Variants in RORA observed in about 807,000 individuals in gnomAD.
The protein encoded by RORA is nuclear receptor ROR-alpha.
Under a neutral mutation model 69.5 loss-of-function variants are expected in RORA, and 7 were observed. That is an observed-to-expected ratio of 0.10 (90% CI 0.06 to 0.19). RORA has a LOEUF of 0.19. Ranked by LOEUF, RORA falls within the 10% of genes least tolerant of loss-of-function variation. The pLI is 1.00. For synonymous variants in RORA, 261 were observed against 240.8 expected, an observed-to-expected ratio of 1.08 and a Z score of -0.78; for missense variants, 457 against 663.0, an observed-to-expected ratio of 0.69 and a Z score of 3.41.
rs1210639086 is a variant in RORA at position 61,108,592 on chromosome 15, G to A, written c.166+120461C>T. Among the ~76,000 whole-genome samples the A allele has an allele frequency of 2.6e-5, 4 of 152,178 alleles. No individual in the cohort carries two copies. The East Asian group carries it at 7.7e-4, about 29-fold the overall frequency. On this transcript the variant is annotated intron_variant, in intron 1 of 10. Coordinates refer to ENST00000335670, the MANE Select transcript of RORA (RefSeq NM_134261.3). ...CAAATCCTAAAACATTTACTGTATG[G>A]CCATTTACGGAAACGTCTGTAGACC...
chr15:60,903,757 A>G lies in RORA; in HGVS notation c.167-225071T>C, dbSNP rs78066424. Among the ~76,000 whole-genome samples the G allele has an allele frequency of 2.1e-3, 318 of 152,334 alleles. 6 individuals carry two copies. The highest frequency in any genetic ancestry group is 0.017 in the East Asian group (86 of 5,186). On this transcript the variant is annotated intron_variant, in intron 1 of 10. Transcript: ENST00000335670. The stretch of plus-strand genomic sequence containing the variant: ...CCTTCCCAGGGACCATGAATTTAAA[A>G]TTATGCAAAATCGGAGGTCGGTCTC...
chr15:61,044,876 A>G (rs1043520654), intron 1 of RORA, among the ~76,000 whole-genome samples: 2 of 152,208 alleles, frequency 1.3e-5, no homozygotes, highest in African/African-American at 4.8e-5. Flanking sequence ...TCTGTGAAGC[A>G]CTGCCCTGGG....
chr15:61,001,155 G>C (rs1003858804), intron 1 of RORA, among the ~76,000 whole-genome samples: 1 of 152,208 alleles, frequency 6.6e-6, no homozygotes, highest in Non-Finnish European at 1.5e-5. Context: ...CCCATCCCAA[G>C]TTGCAGTCTC....
intron 1 of RORA, among the ~76,000 whole-genome samples, chr15:60,774,750 T>C (rs1369817813): frequency 6.6e-6 from 1 of 152,226 alleles, no homozygotes; most frequent in Non-Finnish European, 1.5e-5. Context: ...TTCTAAAGGC[T>C]GTAGTCTGCC....
chr15:60,888,064 C>A (rs1439617812), intron 1 of RORA, among the ~76,000 whole-genome samples: 2 of 152,238 alleles, frequency 1.3e-5, no homozygotes, highest in Admixed American at 1.3e-4. Flanking sequence ...TCCATCCTTG[C>A]CCTGCTCCTC....
At chr15:60,946,717 G>A (rs1345683042) in intron 1 of RORA, among the ~76,000 whole-genome samples, 2 of 151,604 alleles carry the variant, frequency 1.3e-5, no homozygotes, top group African/African-American at 4.8e-5. Context: ...GAGCGTCTCT[G>A]CCTGGCTGCC....
At chr15:60,879,462 G>A (rs1475726651) in intron 1 of RORA, among the ~76,000 whole-genome samples, 1 of 152,150 alleles carries the variant, frequency 6.6e-6, no homozygotes, top group Admixed American at 6.5e-5. Context: ...TTAGCTGCTC[G>A]TGTTAGTGTT....
intron 1 of RORA, among the ~76,000 whole-genome samples, chr15:61,158,535 G>C (rs533708817): frequency 6.6e-6 from 1 of 152,272 alleles, no homozygotes; most frequent in South Asian, 2.1e-4. Flanking sequence ...GCCAACCTTT[G>C]CCTTTATTGA....
chr15:60,913,918 T>A (rs1891799925), intron 1 of RORA, among the ~76,000 whole-genome samples: 1 of 152,240 alleles, frequency 6.6e-6, no homozygotes, highest in South Asian at 2.1e-4. Context: ...CCTTTTGCCA[T>A]GTCACTGCTT....
At chr15:60,720,953 T>C (rs1242018674) in intron 1 of RORA, among the ~76,000 whole-genome samples, 2 of 152,078 alleles carry the variant, frequency 1.3e-5, no homozygotes, top group African/African-American at 2.4e-5. Context: ...CTGGAGAACT[T>C]TGTGGTACTC....
chr15:61,129,758 T>C (rs1288488106), intron 1 of RORA, among the ~76,000 whole-genome samples: 1 of 152,186 alleles, frequency 6.6e-6, no homozygotes, highest in African/African-American at 2.4e-5. Flanking sequence ...GGACAATGCT[T>C]CCATCTCCCT....
intron 1 of RORA, among the ~76,000 whole-genome samples, chr15:60,943,068 A>G (rs893984620): frequency 3.3e-5 from 5 of 152,256 alleles, no homozygotes; most frequent in African/African-American, 1.2e-4. Context: ...AGCTGGAGTC[A>G]GGGTACCTGT....
rs182436085 is a variant in RORA at position 60,944,973 on chromosome 15, A to G, written c.167-266287T>C. On this transcript the variant is annotated intron_variant, in intron 1 of 10. Coordinates refer to ENST00000335670, the MANE Select transcript of RORA (RefSeq NM_134261.3). ...ATAGGGTCCACAGCTCAGAGATATA[A>G]CAGATGCCCGATAGGAGCAAAATGA... Among the ~76,000 whole-genome samples the G allele has an allele frequency of 2.5e-4, 38 of 152,286 alleles. 1 individual carries two copies. The highest frequency in any genetic ancestry group is 6.5e-4 in the African/African-American group (27 of 41,564).
chr15:60,906,590 C>T (rs558084529), intron 1 of RORA, among the ~76,000 whole-genome samples: 1 of 152,296 alleles, frequency 6.6e-6, no homozygotes, highest in East Asian at 1.9e-4. Flanking sequence ...TTAATGCCCT[C>T]TGTGGTCTCT....
Position 60,531,640 on chromosome 15 carries a change from T to C in RORA, c.282+126A>G, listed in dbSNP as rs2066529040. On this transcript the variant is annotated intron_variant, in intron 3 of 10. Coordinates refer to ENST00000335670, the MANE Select transcript of RORA (RefSeq NM_134261.3). This position sits in a 1 kb window ranked among gnomAD's most constrained non-coding sequence, Gnocchi z 4.8. ...ATTTAACACCAAAATATTTCTTCTA[T>C]CCTGTAATTTCTTATCATTCAAAAT... 2 of 606,388 alleles carry C rather than the reference T, an allele frequency of 3.3e-6. No homozygotes were observed. The highest frequency in any genetic ancestry group is 7.8e-5 in the Admixed American group (2 of 25,800). 37.6% of individuals were successfully genotyped at this position (606,388 alleles called of 1,614,324 possible).
chr15:60,818,140 G>C (rs1334876813), intron 1 of RORA, among the ~76,000 whole-genome samples: 1 of 152,138 alleles, frequency 6.6e-6, no homozygotes, highest in African/African-American at 2.4e-5. Flanking sequence ...TTTGGATGGG[G>C]AGAGACTAAA....
chr15:60,907,566 G>T (rs1281099515), intron 1 of RORA, among the ~76,000 whole-genome samples: 2 of 152,142 alleles, frequency 1.3e-5, no homozygotes, highest in African/African-American at 2.4e-5. Context: ...GCTAGAAGAG[G>T]CCATATGTGG....
At chr15:60,581,919 C>A (rs565303977) in intron 2 of RORA, among the ~76,000 whole-genome samples, 1 of 152,274 alleles carries the variant, frequency 6.6e-6, no homozygotes, top group South Asian at 2.1e-4. Context: ...TGCTAATAAA[C>A]TGCAGACGAT....
At chr15:60,761,456 C>G (rs2071889028) in intron 1 of RORA, among the ~76,000 whole-genome samples, 1 of 152,144 alleles carries the variant, frequency 6.6e-6, no homozygotes, top group South Asian at 2.1e-4. Context: ...ATGTGTAGAA[C>G]AGCTAGTTCA....
Sources: allele counts gnomAD v4.1 joint callset (sites outside exome capture counted in the v4.1 genomes callset), GRCh38; gene constraint gnomAD v4.1.1; non-coding constraint Gnocchi (gnomAD v3.1); transcripts MANE v1.5; gene names NCBI Gene and HGNC (gene_info 2026-07-23, HGNC 2026-07-21).